Variants in DNAJC22 observed in about 807,000 individuals in gnomAD.
DNAJC22 encodes dnaJ homolog subfamily C member 22.
In DNAJC22, 24 loss-of-function variants were observed where a neutral mutation model predicts 22.2. That is an observed-to-expected ratio of 1.08 (90% CI 0.78 to 1.52). The LOEUF (loss-of-function observed/expected upper bound fraction) is 1.52, where lower values mean the gene tolerates loss of function less well. Among genes scored for constraint, DNAJC22 ranks in the 40% most tolerant of loss-of-function variants. DNAJC22 has a pLI of 0.00. For synonymous variants in DNAJC22, 160 were observed against 167.4 expected, an observed-to-expected ratio of 0.96 and a Z score of 0.34; for missense variants, 434 against 421.7, an observed-to-expected ratio of 1.03 and a Z score of -0.26.
Position 49,348,856 on chromosome 12 carries a change from G to T in DNAJC22, c.-17G>T. 6.8e-7 allele frequency: 1 copy of T among 1,477,674 alleles called. No individual in the cohort carries two copies. The highest frequency in any genetic ancestry group is 9.0e-7 in the Non-Finnish European group (1 of 1,114,856). The allele number at this position is 1,477,674 out of a possible 1,614,324, so 91.5% of individuals were successfully genotyped here. ...CTGCGAGTAACCGGACTTGTTCTGA[G>T]ACCTTTGCCCTAGAGGATGGCCAAG... On this transcript the variant is annotated 5_prime_UTR_variant, in exon 3 of 4. Coordinates refer to ENST00000549441, the MANE Select transcript of DNAJC22 (RefSeq NM_001304944.2).
chr12:49,350,672 A>G (rs1012059707), intron 3 of DNAJC22, among the ~76,000 whole-genome samples: 5 of 150,928 alleles, frequency 3.3e-5, no homozygotes, highest in African/African-American at 9.8e-5. Context: ...TTAATTTTGT[A>G]TTTTTAGTAG....
At position 49,352,458 on chromosome 12, in the gene DNAJC22, G is replaced by T. The variant is rs1943795954; in HGVS notation, c.*956G>T. 1 of 152,228 alleles carries T rather than the reference G, an allele frequency of 6.6e-6. No homozygotes were observed. Among genetic ancestry groups the T allele is most frequent in the African/African-American group, 2.4e-5 (1 of 41,458 alleles). 9.4% of individuals were successfully genotyped at this position (152,228 alleles called of 1,614,324 possible). A position where few individuals can be genotyped will look rare whatever the true frequency, so the allele number is the denominator to read the frequency against. On this transcript the variant is annotated 3_prime_UTR_variant, in exon 4 of 4. Transcript: ENST00000549441. Reference sequence around the variant, plus strand: ...TTGAGCCTGGGAGGTGGAGGTTGCAGTCAACTGAGATTGAGCCACTGCACT... The same window carrying T: ...TTGAGCCTGGGAGGTGGAGGTTGCATTCAACTGAGATTGAGCCACTGCACT...
At position 49,347,054 on chromosome 12, in the gene DNAJC22, C is replaced by T. The variant is rs1391982633; in HGVS notation, c.-1067C>T. The T allele has an allele frequency of 6.6e-5, 10 of 152,306 alleles. No individual in the cohort carries two copies. Among genetic ancestry groups the T allele is most frequent in the Admixed American group, 6.5e-4 (10 of 15,286 alleles). The allele number at this position is 152,306 out of a possible 1,614,324, so 9.4% of individuals were successfully genotyped here. A position where few individuals can be genotyped will look rare whatever the true frequency, so the allele number is the denominator to read the frequency against. On this transcript the variant is annotated 5_prime_UTR_variant, in exon 1 of 4. Transcript: ENST00000549441. Reference sequence around the variant, plus strand: ...GTCCAGACTGGGGGACCTCGGAGATCCACGAGATTGCCAGAGAAGGAAATT... The same window carrying T: ...GTCCAGACTGGGGGACCTCGGAGATTCACGAGATTGCCAGAGAAGGAAATT...
Position 49,347,101 on chromosome 12 carries a change from C to T in DNAJC22, c.-1020C>T, listed in dbSNP as rs1271655212. Reference sequence around the variant, plus strand: ...AATTGAGGCCCAAGAAGCTGCATGACTTAGCCAAGTTCACGGAGTAGAACC... The same window carrying T: ...AATTGAGGCCCAAGAAGCTGCATGATTTAGCCAAGTTCACGGAGTAGAACC... On this transcript the variant is annotated 5_prime_UTR_variant, in exon 1 of 4. Coordinates refer to ENST00000549441, the MANE Select transcript of DNAJC22 (RefSeq NM_001304944.2). 3.9e-5 allele frequency: 6 copies of T among 152,408 alleles called. No homozygotes were observed. The highest frequency in any genetic ancestry group is 6.5e-5 in the Admixed American group (1 of 15,306). 9.4% of individuals were successfully genotyped at this position (152,408 alleles called of 1,614,324 possible). A position where few individuals can be genotyped will look rare whatever the true frequency, so the allele number is the denominator to read the frequency against.
Position 49,349,330 on chromosome 12 carries a change from T to G in DNAJC22, c.458T>G (p.Leu153Arg). 2 of 1,611,658 alleles carry G rather than the reference T, an allele frequency of 1.2e-6. No individual in the cohort carries two copies. The highest frequency in any genetic ancestry group is 1.7e-6 in the Non-Finnish European group (2 of 1,178,752). ...PIFYGRPIAI[L>R]PISVAASITA... Reference sequence around the variant, plus strand: ...TTCTATGGCCGCCCCATAGCCATACTGCCCATTAGCGTGGCCGCCAGCATT... The same window carrying G: ...TTCTATGGCCGCCCCATAGCCATACGGCCCATTAGCGTGGCCGCCAGCATT... The change falls in exon 3 of 4, where the codon CTG (leucine) becomes CGG (arginine). Residue 153 changes from leucine to arginine, a missense_variant. Leu to Arg is a moderately radical substitution (Grantham distance 102, BLOSUM62 -2). Coordinates refer to ENST00000549441, the MANE Select transcript of DNAJC22 (RefSeq NM_001304944.2).
In DNAJC22 at chr12:49,347,404, C is replaced by G. The variant is rs555169338; in HGVS notation, c.-717C>G. 6.6e-6 allele frequency: 1 copy of G among 152,606 alleles called. No homozygotes were observed. The highest frequency in any genetic ancestry group is 2.4e-5 in the African/African-American group (1 of 41,604). 9.5% of individuals were successfully genotyped at this position (152,606 alleles called of 1,614,324 possible). ...CTCGGAGGTGGGCCGGTGAGGCAAG[C>G]AAGCCCTGTGGGGGGTTGAGGACAG... On this transcript the variant is annotated 5_prime_UTR_variant, in exon 1 of 4. Coordinates refer to ENST00000549441, the MANE Select transcript of DNAJC22 (RefSeq NM_001304944.2).
In DNAJC22 at chr12:49,353,071, T is replaced by G. The variant is rs1943801173; in HGVS notation, c.*1569T>G. 1 of 152,194 alleles carries G rather than the reference T, an allele frequency of 6.6e-6. No homozygotes were observed. The highest frequency in any genetic ancestry group is 1.5e-5 in the Non-Finnish European group (1 of 68,036). 9.4% of individuals were successfully genotyped at this position (152,194 alleles called of 1,614,324 possible). On this transcript the variant is annotated 3_prime_UTR_variant, in exon 4 of 4. Transcript: ENST00000549441. ...ATTGTTTTATGGGGACTCAGAAAGATTCATTATTTTATATGTCATATGTCC... is the reference window on the plus strand; with the variant it reads ...ATTGTTTTATGGGGACTCAGAAAGAGTCATTATTTTATATGTCATATGTCC...
Position 49,351,314 on chromosome 12 carries a change from A to T in DNAJC22, c.841-3A>T. On this transcript the variant is annotated splice_region_variant and splice_polypyrimidine_tract_variant and intron_variant, in intron 3 of 3. Coordinates refer to ENST00000549441, the MANE Select transcript of DNAJC22 (RefSeq NM_001304944.2). Reference sequence around the variant, plus strand: ...CTAATTTGTCATCTTCTGTTTCCATAAGGTTTTGGGCCTCTCAGAAGGGGC... The same window carrying T: ...CTAATTTGTCATCTTCTGTTTCCATTAGGTTTTGGGCCTCTCAGAAGGGGC... The T allele has an allele frequency of 6.2e-7, 1 of 1,613,032 alleles. No individual in the cohort carries two copies. The highest frequency in any genetic ancestry group is 8.5e-7 in the Non-Finnish European group (1 of 1,179,604).
Position 49,351,567 on chromosome 12 carries a change from CTT to C in DNAJC22, c.*67_*68del. 6.8e-7 allele frequency: 1 copy of C among 1,470,040 alleles called. No individual in the cohort carries two copies. The highest frequency in any genetic ancestry group is 1.4e-5 in the South Asian group (1 of 70,812). 91.1% of individuals were successfully genotyped at this position (1,470,040 alleles called of 1,614,324 possible). On this transcript the variant is annotated 3_prime_UTR_variant, in exon 4 of 4. Transcript: ENST00000549441. ...GCTGGGCAACTTGTCCCAAATCTAG[CTT>C]TGCCCACGAATGGCATCCCAACAGA... is the stretch of plus-strand genomic sequence containing the variant.
chr12:49,349,501 A>G lies in DNAJC22; in HGVS notation c.629A>G (p.Tyr210Cys). The change falls in exon 3 of 4, where the codon TAT (tyrosine) becomes TGT (cysteine). Residue 210 changes from tyrosine (Y) to cysteine (C), a missense_variant. Coordinates refer to ENST00000549441, the MANE Select transcript of DNAJC22 (RefSeq NM_001304944.2). ...ALCNTAATLS[Y>C]VAETFGSFLN... is the part of the protein sequence containing the mutation. The stretch of plus-strand genomic sequence containing the variant: ...TGCAACACAGCTGCCACCCTCAGCT[A>G]TGTGGCAGAAACCTTTGGCTCCTTC... The G allele has an allele frequency of 1.2e-6, 2 of 1,614,184 alleles. No homozygotes were observed. Among genetic ancestry groups the G allele is most frequent in the Non-Finnish European group, 8.5e-7 (1 of 1,180,016 alleles).
At position 49,351,524 on chromosome 12, in the gene DNAJC22, C is replaced by T; in HGVS notation, c.*22C>T. On this transcript the variant is annotated 3_prime_UTR_variant, in exon 4 of 4. Coordinates refer to ENST00000549441, the MANE Select transcript of DNAJC22 (RefSeq NM_001304944.2). ...GTGAAAAGAAACTTCCCCCTGAGGA[C>T]TGACTCTTCCTAGCAGAGCTGGGCA... 6.6e-7 allele frequency: 1 copy of T among 1,516,990 alleles called. No homozygotes were observed. Among genetic ancestry groups the T allele is most frequent in the Non-Finnish European group, 8.8e-7 (1 of 1,139,700 alleles). The allele number at this position is 1,516,990 out of a possible 1,614,324, so 94.0% of individuals were successfully genotyped here.
Position 49,349,327 on chromosome 12 carries a change from T to C in DNAJC22, c.455T>C (p.Ile152Thr). 1.9e-6 allele frequency: 3 copies of C among 1,612,516 alleles called. No homozygotes were observed. The highest frequency in any genetic ancestry group is 2.5e-6 in the Non-Finnish European group (3 of 1,179,212). ...SPIFYGRPIAILPISVAASIT... is the reference protein window; with the variant it reads ...SPIFYGRPIATLPISVAASIT... ...ATCTTCTATGGCCGCCCCATAGCCATACTGCCCATTAGCGTGGCCGCCAGC... is the reference window on the plus strand; with the variant it reads ...ATCTTCTATGGCCGCCCCATAGCCACACTGCCCATTAGCGTGGCCGCCAGC... Residue 152 changes from isoleucine (I) to threonine (T), a missense_variant, in exon 3 of 4, where the codon ATA becomes ACA. Transcript: ENST00000549441.
rs1387927348 is a variant in DNAJC22 at position 49,352,465 on chromosome 12, G to A, written c.*963G>A. ...TGGGAGGTGGAGGTTGCAGTCAACT[G>A]AGATTGAGCCACTGCACTGTACTCC... is the stretch of plus-strand genomic sequence containing the variant. On this transcript the variant is annotated 3_prime_UTR_variant, in exon 4 of 4. Transcript: ENST00000549441. The A allele has an allele frequency of 3.3e-5, 5 of 152,214 alleles. No homozygotes were observed. Among genetic ancestry groups the A allele is most frequent in the Non-Finnish European group, 7.3e-5 (5 of 68,060 alleles). The allele number at this position is 152,214 out of a possible 1,614,324, so 9.4% of individuals were successfully genotyped here.
At chr12:49,350,623 C>T (rs1182133020) in intron 3 of DNAJC22, among the ~76,000 whole-genome samples, 2 of 151,696 alleles carry the variant, frequency 1.3e-5, no homozygotes. Context: ...CTCAGCCTCC[C>T]GAGTAGCTGG....
At position 49,351,383 on chromosome 12, in the gene DNAJC22, G is replaced by T. The variant is rs367651628; in HGVS notation, c.907G>T (p.Val303Phe). Residue 303 changes from valine to phenylalanine, a missense_variant, in exon 4 of 4, where the codon GTC (valine) becomes TTC (phenylalanine). Val to Phe is a conservative substitution (Grantham distance 50). Transcript: ENST00000549441. The part of the protein sequence containing the change: ...IHRSYQELVK[V>F]WHPDHNLDQT... ...TCGGAGTTACCAGGAGCTAGTGAAGGTCTGGCACCCAGACCACAACCTGGA... is the reference window on the plus strand; with the variant it reads ...TCGGAGTTACCAGGAGCTAGTGAAGTTCTGGCACCCAGACCACAACCTGGA... 4 of 1,613,548 alleles carry T rather than the reference G, an allele frequency of 2.5e-6. No individual in the cohort carries two copies. In the African/African-American group the frequency reaches 5.3e-5, roughly 22 times the overall value.
At chr12:49,350,252 T>C (rs997108760) in intron 3 of DNAJC22, among the ~76,000 whole-genome samples, 2 of 151,528 alleles carry the variant, frequency 1.3e-5, no homozygotes, top group African/African-American at 4.9e-5. Context: ...AATTTTTGTA[T>C]TTTTCATAGA....
intron 3 of DNAJC22, 199 bp from the exon 4 acceptor site, chr12:49,351,118 C>A (rs956369392): frequency 1.4e-5 from 14 of 971,872 alleles, no homozygotes; most frequent in African/African-American, 1.8e-5. Context: ...GGCTGGAATT[C>A]TTTTTTCTAA....
intron 3 of DNAJC22, chr12:49,349,984 T>A: frequency 1.7e-6 from 1 of 595,356 alleles, no homozygotes; most frequent in Non-Finnish European, 2.1e-6. Context: ...CTAAGAAGTT[T>A]CTTTTATTCC....
rs1456877286 is a variant in DNAJC22 at position 49,352,791 on chromosome 12, TTCC to T, written c.*1295_*1297del. 1 of 152,162 alleles carries T rather than the reference TTCC, an allele frequency of 6.6e-6. No individual in the cohort carries two copies. Among genetic ancestry groups the T allele is most frequent in the Non-Finnish European group, 1.5e-5 (1 of 68,032 alleles). 9.4% of individuals were successfully genotyped at this position (152,162 alleles called of 1,614,324 possible). On this transcript the variant is annotated 3_prime_UTR_variant, in exon 4 of 4. Coordinates refer to ENST00000549441, the MANE Select transcript of DNAJC22 (RefSeq NM_001304944.2). ...GCTACTGTGGAGTGGGGGGTAGTTC[TTCC>T]TCCTCTGCTTAGAGGAGAATTTTTG...
Sources: gnomAD v4.1 joint callset for allele counts (sites outside exome capture counted in the v4.1 genomes callset) on GRCh38, gnomAD v4.1.1 for gene constraint, MANE v1.5 for transcripts, NCBI Gene and HGNC (gene_info 2026-07-23, HGNC 2026-07-21) for gene names.